The following TMEM242 variants were observed in gnomAD, a reference collection of about 807,000 sequenced individuals.
TMEM242 encodes transmembrane protein 242.
TMEM242 carries 10 observed loss-of-function variants against 18.2 expected under a neutral mutation model. The ratio of observed to expected loss-of-function variants is 0.55; its 90% CI spans 0.34 to 0.93. The LOEUF is 0.93. Ranked by LOEUF, TMEM242 falls within the 40% of genes least tolerant of loss-of-function variation. The pLI, the probability that TMEM242 is intolerant of heterozygous loss-of-function variation, is 0.02. For missense variants in TMEM242, 186 were observed against 175.5 expected (o/e 1.06, Z -0.34); for synonymous variants, 57 against 69.9 (o/e 0.81, Z 0.92).
At chr6:157,310,681 C>CACTCA (rs1778006700) in intron 3 of TMEM242, among the ~76,000 whole-genome samples, 1 of 150,384 alleles carries the variant, frequency 6.6e-6, no homozygotes. Context: ...TCCCAGTGTG[C>CACTCA]GCTCACCTAG....
intron 2 of TMEM242, 50 bp from the exon 3 acceptor site, chr6:157,318,969 T>G: frequency 6.5e-7 from 1 of 1,529,870 alleles, no homozygotes. Flanking sequence ...GCAGAAAGAA[T>G]AAGCATTCTG....
chr6:157,312,174 CCGG>C (rs1778161386), intron 3 of TMEM242, among the ~76,000 whole-genome samples: 1 of 148,902 alleles, frequency 6.7e-6, no homozygotes. Flanking sequence ...GTGCACTCAC[CCGG>C]CCTCATCATA....
intron 3 of TMEM242, among the ~76,000 whole-genome samples, chr6:157,311,148 ACT>A (rs1778053815): frequency 1.6e-4 from 1 of 6,198 alleles, no homozygotes; most frequent in East Asian, 3.3e-3. Flanking sequence ...CCCAGTGTGC[ACT>A]CACCTAGCCC....
In TMEM242 at chr6:157,305,641, A is replaced by G. The variant is rs1777899279; in HGVS notation, c.328-12642T>C. 6.6e-6 allele frequency among the ~76,000 whole-genome samples: 1 copy of G among 152,158 alleles called. No individual in the cohort carries two copies. The highest frequency in any genetic ancestry group is 6.5e-5 in the Admixed American group (1 of 15,278). ...GGACAGAAGAGTTTAAGTAGGAGCT[A>G]CTGGACACTGATGTTAAGAGGCTGG... On this transcript the variant is annotated intron_variant, in intron 3 of 3. Transcript: ENST00000400788. This position sits in a 1 kb window ranked among gnomAD's most constrained non-coding sequence, Gnocchi z 4.1.
rs1777702661 is a variant in TMEM242, at chr6:157,292,923, TC to T, written c.403del (p.Glu135ArgfsTer4). On this transcript the variant is annotated frameshift_variant, in exon 4 of 4. Coordinates refer to ENST00000400788, the MANE Select transcript of TMEM242 (RefSeq NM_018452.6). LOFTEE classifies it high-confidence loss of function. ...PKNSESAVEW[E>X]ETLKSK ...ATCTCATTTGGATTTCAATGTTTCCTCCCACTCAACAGCCGATTCGGAGTTC... is the reference window on the plus strand; with the variant it reads ...ATCTCATTTGGATTTCAATGTTTCCTCCACTCAACAGCCGATTCGGAGTTC... 2 of 1,613,290 alleles carry T rather than the reference TC, an allele frequency of 1.2e-6. No individual in the cohort carries two copies. The highest frequency in any genetic ancestry group is 2.7e-5 in the African/African-American group (2 of 74,926).
intron 3 of TMEM242, among the ~76,000 whole-genome samples, chr6:157,295,733 T>A (rs782764059): frequency 2.0e-5 from 3 of 152,114 alleles, no homozygotes; most frequent in Non-Finnish European, 2.9e-5. Context: ...ACTGAATCAA[T>A]AGAAGCACTC....
At position 157,302,535 on chromosome 6, in the gene TMEM242, A is replaced by G. The variant is rs139533197; in HGVS notation, c.328-9536T>C. ...TTTCCCCTTAGCCACAACTAAATCA[A>G]TCTTGAGGGGGAAAAAAAACTGTTC... On this transcript the variant is annotated intron_variant, in intron 3 of 3. Transcript: ENST00000400788. 9.1e-3 allele frequency among the ~76,000 whole-genome samples: 1,385 copies of G among 152,320 alleles called. 11 individuals carry two copies. Among genetic ancestry groups the G allele is most frequent in the Middle Eastern group, 0.017 (5 of 294 alleles).
At chr6:157,314,406 C>T (rs1336231279) in intron 3 of TMEM242, among the ~76,000 whole-genome samples, 1 of 3,734 alleles carries the variant, frequency 2.7e-4, no homozygotes, top group Non-Finnish European at 6.2e-4. Flanking sequence ...TAGGAGACTA[C>T]AAACCCAAAG....
chr6:157,312,443 CGAGCCTCATAG>C (rs1778187402), intron 3 of TMEM242, among the ~76,000 whole-genome samples: 36 of 96,120 alleles, frequency 3.7e-4, no homozygotes, highest in East Asian at 9.6e-4. Context: ...GTGCACTCAC[CGAGCCTCATAG>C]TGCCCCAGCG....
chr6:157,312,182 A>G (rs1554249155), intron 3 of TMEM242, among the ~76,000 whole-genome samples: 1 of 150,224 alleles, frequency 6.7e-6, no homozygotes, highest in Non-Finnish European at 1.5e-5. Flanking sequence ...ACCCGGCCTC[A>G]TCATAGTGTC....
Position 157,318,913 on chromosome 6 carries a change from T to C in TMEM242, c.196A>G (p.Met66Val), listed in dbSNP as rs1180591800. ...KSPEWFNKGS[M>V]ATAALPESGS... ...CTTTCCGGTAATGCAGCCGTGGCCATACTTCCCTGAAATGAAACAGAAAAG... is the reference window on the plus strand; with the variant it reads ...CTTTCCGGTAATGCAGCCGTGGCCACACTTCCCTGAAATGAAACAGAAAAG... The change falls in exon 3 of 4, where the codon ATG becomes GTG. Residue 66 changes from methionine (M) to valine (V), a missense_variant. Met to Val is a conservative substitution (Grantham distance 21). Transcript: ENST00000400788. 8.1e-6 allele frequency: 13 copies of C among 1,601,348 alleles called. No individual in the cohort carries two copies. The highest frequency in any genetic ancestry group is 1.1e-5 in the South Asian group (1 of 88,772).
At chr6:157,295,533 T>A (rs587719767) in intron 3 of TMEM242, among the ~76,000 whole-genome samples, 1 of 152,194 alleles carries the variant, frequency 6.6e-6, no homozygotes, top group East Asian at 1.9e-4. Context: ...CTTCCAGTGG[T>A]CTGGAATGTG....
chr6:157,323,454 C>G lies in TMEM242; in HGVS notation c.46G>C (p.Glu16Gln), dbSNP rs1778529759. The G allele has an allele frequency of 1.9e-6, 3 of 1,614,128 alleles. No homozygotes were observed. Among genetic ancestry groups the G allele is most frequent in the East Asian group, 2.2e-5 (1 of 44,888 alleles). ...AATGQPASGL[E>Q]APGSTNDRLF... ...CGGTCATTCGTGGACCCCGGAGCCTCCAGCCCAGAGGCCGGCTGCCCAGTT... is the reference window on the plus strand; with the variant it reads ...CGGTCATTCGTGGACCCCGGAGCCTGCAGCCCAGAGGCCGGCTGCCCAGTT... The change falls in exon 1 of 4, where the codon GAG (glutamate) becomes CAG (glutamine). Residue 16 changes from glutamate to glutamine, a missense_variant. Physicochemically the swap from Glu to Gln is conservative, Grantham distance 29. Transcript: ENST00000400788.
intron 3 of TMEM242, among the ~76,000 whole-genome samples, chr6:157,296,375 G>C (rs1416408582): frequency 6.6e-6 from 1 of 152,186 alleles, no homozygotes; most frequent in African/African-American, 2.4e-5. Flanking sequence ...CACACCTCCA[G>C]GGGGTGCTTT....
chr6:157,316,141 A>G (rs1778386205), intron 3 of TMEM242, among the ~76,000 whole-genome samples: 1 of 152,234 alleles, frequency 6.6e-6, no homozygotes, highest in Admixed American at 6.5e-5. Context: ...CACTGGAAAC[A>G]TCACATATCA....
chr6:157,310,859 TA>T (rs1778017767), intron 3 of TMEM242, among the ~76,000 whole-genome samples: 63 of 145,106 alleles, frequency 4.3e-4, no homozygotes, highest in South Asian at 2.2e-3. Context: ...TGCACTCACC[TA>T]GCCTCATCAT....
rs782335111 is a variant in TMEM242 at position 157,305,322 on chromosome 6, G to C, written c.328-12323C>G. Among the ~76,000 whole-genome samples, 1 of 152,244 alleles carries C rather than the reference G, an allele frequency of 6.6e-6. No homozygotes were observed. Among genetic ancestry groups the C allele is most frequent in the Admixed American group, 6.5e-5 (1 of 15,292 alleles). On this transcript the variant is annotated intron_variant, in intron 3 of 3. Transcript: ENST00000400788. This position sits in a 1 kb window ranked among gnomAD's most constrained non-coding sequence, Gnocchi z 4.1. ...AGAGAATCTAAGAGGATTCTCACTG[G>C]GGTTTTTGGTTTGAAGTGGAAGGAT...
chr6:157,292,221 GATA>G lies in TMEM242; in HGVS notation c.*677_*679del, dbSNP rs1355589533. ...TTCTCAAAAAAATATGTTTACCCCT[GATA>G]TCATCATTATTTTAGCCCAACTGTG... is the stretch of plus-strand genomic sequence containing the variant. On this transcript the variant is annotated 3_prime_UTR_variant, in exon 4 of 4. Transcript: ENST00000400788. 1 of 142,998 alleles carries G rather than the reference GATA, an allele frequency of 7.0e-6. No homozygotes were observed. Among genetic ancestry groups the G allele is most frequent in the Non-Finnish European group, 1.6e-5 (1 of 64,336 alleles). 8.9% of individuals were successfully genotyped at this position (142,998 alleles called of 1,614,324 possible).
At chr6:157,298,293 T>TGCAG (rs1554247283) in intron 3 of TMEM242, among the ~76,000 whole-genome samples, 2 of 152,230 alleles carry the variant, frequency 1.3e-5, no homozygotes, top group Non-Finnish European at 2.9e-5. Flanking sequence ...GGCTTTATTT[T>TGCAG]TAGTAACTGC....
Sources: allele counts gnomAD v4.1 joint callset (sites outside exome capture counted in the v4.1 genomes callset), GRCh38; gene constraint gnomAD v4.1.1; non-coding constraint Gnocchi (gnomAD v3.1); transcripts MANE v1.5; gene names NCBI Gene and HGNC (gene_info 2026-07-23, HGNC 2026-07-21).